The following CACNA2D3 variants were observed in gnomAD, a reference collection of about 807,000 sequenced individuals.
The protein encoded by CACNA2D3 is calcium voltage-gated channel auxiliary subunit alpha2delta 3, also known as voltage-dependent calcium channel subunit alpha-2/delta-3.
CACNA2D3 carries 60 observed loss-of-function variants against 160.6 expected under a neutral mutation model. The observed-to-expected ratio is 0.37, with a 90% CI of 0.30 to 0.46. CACNA2D3 has a LOEUF of 0.46. CACNA2D3 is among the 20% of genes least tolerant of loss of function. The pLI, the probability that CACNA2D3 is intolerant of heterozygous loss-of-function variation, is 1.00. For missense variants in CACNA2D3, 1,205 were observed against 1,365.0 expected (o/e 0.88, Z 1.85); for synonymous variants, 558 against 492.9 (o/e 1.13, Z -1.75).
chr3:54,141,061 C>CTGTG (rs55833247), intron 2 of CACNA2D3, among the ~76,000 whole-genome samples: 1,483 of 129,512 alleles, frequency 0.011, 16 homozygotes, highest in East Asian at 0.022. Flanking sequence ...CAGGTGAAAC[C>CTGTG]TGTGTGTGTG....
intron 2 of CACNA2D3, among the ~76,000 whole-genome samples, chr3:54,189,968 C>T (rs1416013196): frequency 6.6e-6 from 1 of 152,188 alleles, no homozygotes; most frequent in African/African-American, 2.4e-5. Context: ...GCTGCTGTAA[C>T]AAAATGCCAC....
chr3:54,781,062 A>G (rs1308901487), intron 13 of CACNA2D3, among the ~76,000 whole-genome samples: 1 of 152,204 alleles, frequency 6.6e-6, no homozygotes, highest in Non-Finnish European at 1.5e-5. Context: ...TGTTAAACAT[A>G]AGTTATTTAA....
intron 5 of CACNA2D3, among the ~76,000 whole-genome samples, chr3:54,549,222 G>A (rs1002967013): frequency 5.9e-5 from 9 of 152,222 alleles, no homozygotes; most frequent in African/African-American, 1.2e-4. Flanking sequence ...CGAGGCGGGC[G>A]GATCACGAGG....
chr3:54,753,401 G>A (rs989894389), intron 12 of CACNA2D3, among the ~76,000 whole-genome samples: 1 of 152,196 alleles, frequency 6.6e-6, no homozygotes, highest in Non-Finnish European at 1.5e-5. Flanking sequence ...TTGAGAGCTA[G>A]TGTGGTGGTG....
intron 4 of CACNA2D3, among the ~76,000 whole-genome samples, chr3:54,458,126 T>A (rs1056368415): frequency 6.6e-6 from 1 of 152,132 alleles, no homozygotes; most frequent in Non-Finnish European, 1.5e-5. Context: ...TTTTGTTAAT[T>A]GGTTTTTGAT....
chr3:54,494,573 C>G (rs1053576213), intron 4 of CACNA2D3, among the ~76,000 whole-genome samples: 1 of 152,116 alleles, frequency 6.6e-6, no homozygotes, highest in Non-Finnish European at 1.5e-5. Context: ...TTCTATGAAA[C>G]GATGGAGTGA....
intron 4 of CACNA2D3, among the ~76,000 whole-genome samples, chr3:54,391,122 T>C (rs1175568706): frequency 6.6e-6 from 1 of 152,214 alleles, no homozygotes; most frequent in Admixed American, 6.5e-5. Flanking sequence ...TTCTCTCGCT[T>C]TAGACTGGAG....
chr3:54,894,861 G>A, intron 25 of CACNA2D3: 1 of 340,702 alleles, frequency 2.9e-6, no homozygotes, highest in South Asian at 2.3e-5. Context: ...AGAAGAGCTT[G>A]TCTACCAAGA....
intron 3 of CACNA2D3, among the ~76,000 whole-genome samples, chr3:54,371,424 CT>C (rs1313765847): frequency 6.6e-6 from 1 of 152,034 alleles, no homozygotes; most frequent in African/African-American, 2.4e-5. Context: ...TCCATTGTTA[CT>C]TTTTTCTAAC....
At chr3:54,531,897 C>T (rs529711829) in intron 5 of CACNA2D3, among the ~76,000 whole-genome samples, 1 of 152,364 alleles carries the variant, frequency 6.6e-6, no homozygotes, top group East Asian at 1.9e-4. Context: ...AAAATTCCCT[C>T]TGCGGATGGT....
At chr3:54,576,766 G>C (rs956497135) in intron 8 of CACNA2D3, among the ~76,000 whole-genome samples, 1 of 152,160 alleles carries the variant, frequency 6.6e-6, no homozygotes, top group African/African-American at 2.4e-5. Context: ...CAGGTGCAGT[G>C]GCTCATGCCT....
chr3:54,367,417 G>T (rs1698845272), intron 3 of CACNA2D3, among the ~76,000 whole-genome samples: 1 of 152,174 alleles, frequency 6.6e-6, no homozygotes, highest in South Asian at 2.1e-4. Flanking sequence ...CACCGTATGG[G>T]ATGAGAGAAG....
intron 20 of CACNA2D3, among the ~76,000 whole-genome samples, chr3:54,880,055 G>T (rs1288505420): frequency 6.6e-6 from 1 of 152,196 alleles, no homozygotes; most frequent in Non-Finnish European, 1.5e-5. Context: ...GAGCTAAGGA[G>T]AGAAGGAGTT....
chr3:54,195,801 C>T (rs373866662), intron 2 of CACNA2D3, among the ~76,000 whole-genome samples: 11 of 152,304 alleles, frequency 7.2e-5, no homozygotes, highest in African/African-American at 2.6e-4. Context: ...TCAGTGTGTA[C>T]AGCAGCCCTG....
chr3:54,612,046 C>T (rs1396983070), intron 9 of CACNA2D3, among the ~76,000 whole-genome samples: 1 of 152,130 alleles, frequency 6.6e-6, no homozygotes, highest in African/African-American at 2.4e-5. Flanking sequence ...GGATTCACAC[C>T]AGTTCTGTTC....
At chr3:54,461,206 A>G (rs1700497795) in intron 4 of CACNA2D3, among the ~76,000 whole-genome samples, 1 of 152,036 alleles carries the variant, frequency 6.6e-6, no homozygotes, top group Admixed American at 6.5e-5. Flanking sequence ...TTTTGCATCA[A>G]TGTTCATCAA....
intron 8 of CACNA2D3, among the ~76,000 whole-genome samples, chr3:54,576,504 C>G (rs4955858): frequency 0.34 from 51,918 of 152,056 alleles, 9,781 homozygotes; most frequent in Middle Eastern, 0.43. Flanking sequence ...AAGGGGAGAT[C>G]TAGGGAATGC....
chr3:54,649,810 C>T (rs183260701), intron 11 of CACNA2D3, among the ~76,000 whole-genome samples: 186 of 152,362 alleles, frequency 1.2e-3, no homozygotes, highest in African/African-American at 4.2e-3. Flanking sequence ...TTGGGAGACA[C>T]ATTCAGTCCA....
intron 2 of CACNA2D3, among the ~76,000 whole-genome samples, chr3:54,318,838 CAT>C (rs1703926176): frequency 6.6e-6 from 1 of 151,782 alleles, no homozygotes; most frequent in Admixed American, 6.6e-5. Flanking sequence ...GGACTGCAGA[CAT>C]GTGCCACCAT....
Sources: allele counts gnomAD v4.1 joint callset (sites outside exome capture counted in the v4.1 genomes callset), GRCh38; gene constraint gnomAD v4.1.1; transcripts MANE v1.5; gene names NCBI Gene and HGNC (gene_info 2026-07-23, HGNC 2026-07-21).